The following ARMC8 variants were observed in gnomAD, a reference collection of about 807,000 sequenced individuals.
ARMC8 encodes the protein armadillo repeat-containing protein 8.
Under a neutral mutation model 99.3 loss-of-function variants are expected in ARMC8, and 20 were observed. That is an observed-to-expected ratio of 0.20 (90% CI 0.14 to 0.29). The LOEUF (loss-of-function observed/expected upper bound fraction) is 0.29, where lower values mean the gene tolerates loss of function less well. Ranked by LOEUF, ARMC8 falls within the 10% of genes least tolerant of loss-of-function variation. The probability of loss-of-function intolerance (pLI) is 1.00; values close to 1 mark genes in which losing one functional copy is unlikely to be tolerated. For synonymous variants in ARMC8, 263 were observed against 278.3 expected (o/e 0.95, Z 0.55); for missense variants, 569 against 809.5 (o/e 0.70, Z 3.60).
At chr3:138,202,124 G>A (rs1024263854) in intron 1 of ARMC8, among the ~76,000 whole-genome samples, 3 of 152,064 alleles carry the variant, frequency 2.0e-5, no homozygotes, top group Non-Finnish European at 1.5e-5. Context: ...CCCAAACCAG[G>A]ATTTTCTCTC....
intron 5 of ARMC8, among the ~76,000 whole-genome samples, chr3:138,225,723 C>A (rs2108094386): frequency 6.6e-6 from 1 of 152,284 alleles, no homozygotes; most frequent in African/African-American, 2.4e-5. Context: ...ATTATCTGAG[C>A]TAACACAACG....
chr3:138,247,767 T>C (rs2046949341), intron 12 of ARMC8, among the ~76,000 whole-genome samples: 1 of 152,212 alleles, frequency 6.6e-6, no homozygotes, highest in Non-Finnish European at 1.5e-5. Flanking sequence ...ACCTTCTCTT[T>C]GGGCCAGAGA....
intron 6 of ARMC8, 124 bp downstream of exon 6, chr3:138,229,134 GTATATATATATATA>G (rs71146119): frequency 0.01 from 805 of 78,606 alleles, 40 homozygotes; most frequent in Admixed American, 0.04. Context: ...GTGTGTGCGT[GTATATATATATATA>G]TATATATATA....
chr3:138,189,484 A>G (rs1376617317), intron 1 of ARMC8, among the ~76,000 whole-genome samples: 10 of 152,212 alleles, frequency 6.6e-5, no homozygotes. Context: ...GCAAACTAGA[A>G]CAGGAAACAT....
At chr3:138,221,620 C>G (rs773880234) in intron 2 of ARMC8, among the ~76,000 whole-genome samples, 17 of 152,078 alleles carry the variant, frequency 1.1e-4, no homozygotes, top group Non-Finnish European at 2.2e-4. Context: ...TAGAGCTGAG[C>G]GTGAGGGTGG....
At chr3:138,215,946 C>T (rs2045008229) in intron 2 of ARMC8, among the ~76,000 whole-genome samples, 3 of 151,460 alleles carry the variant, frequency 2.0e-5, no homozygotes, top group African/African-American at 7.3e-5. Flanking sequence ...CTGCAACCTC[C>T]GCCTCCCAGG....
intron 18 of ARMC8, among the ~76,000 whole-genome samples, chr3:138,282,473 C>G (rs756366370): frequency 6.6e-6 from 1 of 152,004 alleles, no homozygotes; most frequent in Admixed American, 6.6e-5. Flanking sequence ...TGGTGAAATC[C>G]CGTCTCTACT....
chr3:138,209,810 T>A lies in ARMC8; in HGVS notation c.46-7T>A, dbSNP rs1346119117. 1 of 1,613,316 alleles carries A rather than the reference T, an allele frequency of 6.2e-7. No homozygotes were observed. Among genetic ancestry groups the A allele is most frequent in the Non-Finnish European group, 8.5e-7 (1 of 1,179,516 alleles). ...CAGATGTCATAATTTTTCCCCCCAC[T>A]TTCTAGGAAGTAACAGCTAGCAGTC... On this transcript the variant is annotated splice_polypyrimidine_tract_variant and splice_region_variant and intron_variant, in intron 1 of 21. Coordinates refer to ENST00000469044, the MANE Select transcript of ARMC8 (RefSeq NM_001363941.2).
At chr3:138,229,462 C>T (rs1405435752) in intron 6 of ARMC8, among the ~76,000 whole-genome samples, 1 of 150,518 alleles carries the variant, frequency 6.6e-6, no homozygotes, top group African/African-American at 2.4e-5. Context: ...CAAAAAATAC[C>T]TTGTATATGA....
chr3:138,231,837 T>C (rs2046052548), intron 6 of ARMC8, among the ~76,000 whole-genome samples: 1 of 151,770 alleles, frequency 6.6e-6, no homozygotes, highest in Non-Finnish European at 1.5e-5. Flanking sequence ...CAGTGGATGC[T>C]GCCTCACTAA....
chr3:138,232,184 C>T (rs1433743753), intron 6 of ARMC8, among the ~76,000 whole-genome samples: 2 of 151,496 alleles, frequency 1.3e-5, no homozygotes, highest in East Asian at 3.9e-4. Flanking sequence ...CCATGTTGGC[C>T]AGGCTGGTCT....
chr3:138,223,445 C>G lies in ARMC8; in HGVS notation c.251C>G (p.Ala84Gly). ...AGCACAGAGCTGAAAACTGAATGTG[C>G]AGTGGTGTTGGGAAGTCTTGCTATG... ...TSSTELKTECAVVLGSLAMGT... is the reference protein window; with the variant it reads ...TSSTELKTECGVVLGSLAMGT... The change falls in exon 4 of 22, where the codon GCA becomes GGA. Residue 84 changes from alanine to glycine, a missense_variant. Ala to Gly is a moderately conservative substitution (Grantham distance 60, BLOSUM62 0). Transcript: ENST00000469044. The G allele has an allele frequency of 6.2e-7, 1 of 1,614,072 alleles. No homozygotes were observed. Among genetic ancestry groups the G allele is most frequent in the Non-Finnish European group, 8.5e-7 (1 of 1,179,972 alleles).
chr3:138,218,672 ATAGTGT>A (rs1282254021), intron 2 of ARMC8, among the ~76,000 whole-genome samples: 4 of 152,096 alleles, frequency 2.6e-5, no homozygotes, highest in African/African-American at 9.7e-5. Flanking sequence ...ACTTACATTG[ATAGTGT>A]TATTTTTGCC....
At chr3:138,249,532 C>T (rs1372821843) in intron 12 of ARMC8, among the ~76,000 whole-genome samples, 1 of 151,936 alleles carries the variant, frequency 6.6e-6, no homozygotes, top group Non-Finnish European at 1.5e-5. Flanking sequence ...GTATCATTCA[C>T]ACGTGTGAAT....
At chr3:138,280,484 CTTTCTTTTT>C (rs1311270859) in intron 18 of ARMC8, among the ~76,000 whole-genome samples, 7 of 141,234 alleles carry the variant, frequency 5.0e-5, no homozygotes, top group African/African-American at 1.1e-4. Context: ...TGCCTGGTTA[CTTTCTTTTT>C]TTTCTTTTTT....
At chr3:138,288,479 T>C (rs761920245) in intron 19 of ARMC8, among the ~76,000 whole-genome samples, 1 of 152,182 alleles carries the variant, frequency 6.6e-6, no homozygotes, top group Non-Finnish European at 1.5e-5. Context: ...CAGATGGTTT[T>C]TTAAATTTGA....
chr3:138,226,264 G>A (rs143810152), intron 5 of ARMC8, among the ~76,000 whole-genome samples: 1,937 of 152,292 alleles, frequency 0.013, 43 homozygotes, highest in African/African-American at 0.042. Flanking sequence ...AAAGTGTTGG[G>A]ATTACAGGCG....
At chr3:138,290,913 G>T (rs558219173) in intron 21 of ARMC8, among the ~76,000 whole-genome samples, 2 of 152,216 alleles carry the variant, frequency 1.3e-5, no homozygotes, top group Non-Finnish European at 2.9e-5. Context: ...ACATTCGCCT[G>T]ATCATTAGAA....
At chr3:138,211,337 C>CT (rs1376246977) in intron 2 of ARMC8, among the ~76,000 whole-genome samples, 1 of 152,150 alleles carries the variant, frequency 6.6e-6, no homozygotes, top group Non-Finnish European at 1.5e-5. Flanking sequence ...ATCACTGCTA[C>CT]TATGTTTAGG....
Sources: gnomAD v4.1 joint callset for allele counts (sites outside exome capture counted in the v4.1 genomes callset) on GRCh38, gnomAD v4.1.1 for gene constraint, MANE v1.5 for transcripts, NCBI Gene and HGNC (gene_info 2026-07-23, HGNC 2026-07-21) for gene names.